Variants in CCDC171 observed in about 807,000 individuals in gnomAD.
CCDC171 encodes coiled-coil domain containing 171.
In CCDC171, 177 loss-of-function variants were observed where a neutral mutation model predicts 168.2. The ratio of observed to expected loss-of-function variants is 1.05; its 90% CI spans 0.93 to 1.19. The LOEUF (loss-of-function observed/expected upper bound fraction) is 1.19, where lower values mean the gene tolerates loss of function less well. CCDC171 is among the 50% of genes most tolerant of loss of function. The pLI, the probability that CCDC171 is intolerant of heterozygous loss-of-function variation, is 0.00. For missense variants in CCDC171, 1,991 were observed against 1,539.0 expected, an observed-to-expected ratio of 1.29 and a Z score of -4.91; for synonymous variants, 687 against 540.8, an observed-to-expected ratio of 1.27 and a Z score of -3.75.
chr9:15,817,610 C>T lies in CCDC171; in HGVS notation c.3268-29092C>T, dbSNP rs549391851. ...CCTCGCTCATTGCTAGCACAGCAGT[C>T]TGAGATCAAACTGCGAGGTGGCAGG... On this transcript the variant is annotated intron_variant, in intron 21 of 25. Coordinates refer to ENST00000380701, the MANE Select transcript of CCDC171 (RefSeq NM_173550.4). Among the ~76,000 whole-genome samples the T allele has an allele frequency of 2.8e-4, 33 of 118,472 alleles. 10 individuals are homozygous for T. Among genetic ancestry groups the T allele is most frequent in the African/African-American group, 1.0e-3 (32 of 31,670 alleles). The allele number at this position is 118,472 out of a possible 152,430, so 77.7% of individuals were successfully genotyped here.
chr9:15,583,819 A>G (rs558885812), intron 4 of CCDC171, among the ~76,000 whole-genome samples: 2 of 152,212 alleles, frequency 1.3e-5, no homozygotes, highest in Non-Finnish European at 2.9e-5. Context: ...ATTAAAAAAA[A>G]AAGTGTTTTT....
At chr9:15,883,399 G>C (rs1159627622) in intron 24 of CCDC171, among the ~76,000 whole-genome samples, 1 of 151,992 alleles carries the variant, frequency 6.6e-6, no homozygotes, top group Non-Finnish European at 1.5e-5. Flanking sequence ...GGTATTTTCT[G>C]TATATCCATT....
At chr9:15,644,454 C>A (rs2046878488) in intron 7 of CCDC171, among the ~76,000 whole-genome samples, 2 of 152,124 alleles carry the variant, frequency 1.3e-5, no homozygotes, top group Non-Finnish European at 2.9e-5. Flanking sequence ...CATCGTCTCA[C>A]CCGGGAAGTG....
intron 25 of CCDC171, among the ~76,000 whole-genome samples, chr9:15,929,408 A>G (rs1826246470): frequency 6.6e-6 from 1 of 151,736 alleles, no homozygotes; most frequent in Non-Finnish European, 1.5e-5. Flanking sequence ...AAAGCCTGAA[A>G]TTCACTGAGG....
chr9:15,636,257 A>G lies in CCDC171; in HGVS notation c.822+12844A>G, dbSNP rs780660392. On this transcript the variant is annotated intron_variant, in intron 7 of 25. Coordinates refer to ENST00000380701, the MANE Select transcript of CCDC171 (RefSeq NM_173550.4). ...AATGCCAAATATGAACTTGGCAAGG[A>G]TAAACTTCCTCATACTCTAACCACA... Among the ~76,000 whole-genome samples, 76 of 152,192 alleles carry G rather than the reference A, an allele frequency of 5.0e-4. 1 individual carries two copies. Among genetic ancestry groups the G allele is most frequent in the African/African-American group, 1.6e-3 (66 of 41,454 alleles).
chr9:15,990,217 G>A (rs371566363), intron 3 of CCDC171, among the ~76,000 whole-genome samples: 2 of 152,220 alleles, frequency 1.3e-5, no homozygotes, highest in Admixed American at 6.5e-5. Context: ...CCATCAGACT[G>A]ACAGCAGATC....
rs1258488346 is a variant in CCDC171 at position 15,971,875 on chromosome 9, C to A, written c.*39C>A. 31 of 1,508,898 alleles carry A rather than the reference C, an allele frequency of 2.1e-5. No homozygotes were observed. The highest frequency in any genetic ancestry group is 2.7e-5 in the Non-Finnish European group (29 of 1,090,628). The allele number at this position is 1,508,898 out of a possible 1,614,324, so 93.5% of individuals were successfully genotyped here. ...AAAAATGGAGGAAGAGTTAACAGTA[C>A]AATTAAAATTGTTTTGAATGGGAAT... On this transcript the variant is annotated 3_prime_UTR_variant, in exon 26 of 26. Transcript: ENST00000380701.
At chr9:15,854,635 G>A (rs1227394504) in intron 23 of CCDC171, among the ~76,000 whole-genome samples, 4 of 151,456 alleles carry the variant, frequency 2.6e-5, no homozygotes, top group Non-Finnish European at 3.0e-5. Context: ...TTTGGGTTTA[G>A]TTTGCGCTCT....
At chr9:16,095,125 C>A in the CCDC171 span, among the ~76,000 whole-genome samples, 1 of 152,282 alleles carries the variant, frequency 6.6e-6, no homozygotes, top group African/African-American at 2.4e-5. Flanking sequence ...AACCTCTTTT[C>A]TTTATAAATG....
chr9:16,049,645 C>G (rs929826593), intron 1 of CCDC171, among the ~76,000 whole-genome samples: 6 of 152,124 alleles, frequency 3.9e-5, no homozygotes, highest in African/African-American at 1.2e-4. Context: ...AGAGATACAC[C>G]ATCTGCTTTC....
intron 9 of CCDC171, among the ~76,000 whole-genome samples, chr9:15,673,348 T>C (rs2049267939): frequency 6.6e-6 from 1 of 152,178 alleles, no homozygotes; most frequent in Non-Finnish European, 1.5e-5. Flanking sequence ...TTTATTTCTT[T>C]CTCTTGCGTG....
chr9:15,827,354 C>G (rs937735771), intron 21 of CCDC171, among the ~76,000 whole-genome samples: 3 of 152,102 alleles, frequency 2.0e-5, no homozygotes, highest in Non-Finnish European at 4.4e-5. Flanking sequence ...TTTACTCCCA[C>G]CTTGTATTGT....
downstream of CCDC171, among the ~76,000 whole-genome samples, chr9:15,977,136 C>A (rs1002070302): frequency 1.3e-5 from 2 of 152,176 alleles, no homozygotes; most frequent in African/African-American, 4.8e-5. Flanking sequence ...TTACGAGACA[C>A]TTTTCTGGCT....
chr9:15,665,082 A>G (rs1237775893), intron 8 of CCDC171, among the ~76,000 whole-genome samples: 1 of 152,050 alleles, frequency 6.6e-6, no homozygotes, highest in Non-Finnish European at 1.5e-5. Flanking sequence ...ATGGTGTTTT[A>G]TCTCTTACCT....
In CCDC171 at chr9:15,817,870, A is replaced by C. The variant is rs2059619099; in HGVS notation, c.3268-28832A>C. Among the ~76,000 whole-genome samples, 2 of 118,456 alleles carry C rather than the reference A, an allele frequency of 1.7e-5. 1 individual carries two copies. Among genetic ancestry groups the C allele is most frequent in the Non-Finnish European group, 3.8e-5 (2 of 52,530 alleles). The allele number at this position is 118,456 out of a possible 152,430, so 77.7% of individuals were successfully genotyped here. ...AGTGGTTCTCCCAGCACACAGCTTG[A>C]GATCTGAGAACGGGCAGACTGCCTC... is the stretch of plus-strand genomic sequence containing the variant. On this transcript the variant is annotated intron_variant, in intron 21 of 25. Transcript: ENST00000380701.
chr9:15,811,729 G>A (rs2059365361), intron 21 of CCDC171, among the ~76,000 whole-genome samples: 1 of 152,194 alleles, frequency 6.6e-6, no homozygotes, highest in African/African-American at 2.4e-5. Flanking sequence ...CCCCATGTTA[G>A]TGGAAGATGT....
intron 18 of CCDC171, among the ~76,000 whole-genome samples, chr9:15,754,097 A>G (rs2134920479): frequency 6.6e-6 from 1 of 152,326 alleles, no homozygotes; most frequent in East Asian, 1.9e-4. Context: ...CAGAAAGTTA[A>G]AGCGTATGAG....
chr9:16,067,891 T>C, the CCDC171 span, among the ~76,000 whole-genome samples: 1 of 152,146 alleles, frequency 6.6e-6, no homozygotes, highest in Admixed American at 6.5e-5. Flanking sequence ...TGAAGTCAGG[T>C]AGTGTGATGC....
intron 25 of CCDC171, among the ~76,000 whole-genome samples, chr9:15,931,135 A>G (rs935729823): frequency 6.6e-6 from 1 of 151,684 alleles, no homozygotes; most frequent in Admixed American, 6.6e-5. Flanking sequence ...TTGTAGTTCT[A>G]TTTTTAACAT....
Sources: allele counts gnomAD v4.1 joint callset (sites outside exome capture counted in the v4.1 genomes callset), GRCh38; gene constraint gnomAD v4.1.1; transcripts MANE v1.5; gene names NCBI Gene and HGNC (gene_info 2026-07-23, HGNC 2026-07-21).